Variants in PTPRD observed in about 807,000 individuals in gnomAD.
PTPRD encodes the protein receptor-type tyrosine-protein phosphatase delta.
Under a neutral mutation model 214.5 loss-of-function variants are expected in PTPRD, and 34 were observed. The observed-to-expected ratio is 0.16, with a 90% CI of 0.12 to 0.21. The LOEUF is 0.21. PTPRD is among the 10% of genes least tolerant of loss of function. PTPRD has a pLI of 1.00. For missense variants in PTPRD, 2,545 were observed against 2,398.7 expected, an observed-to-expected ratio of 1.06 and a Z score of -1.27; for synonymous variants, 1,128 against 845.7, an observed-to-expected ratio of 1.33 and a Z score of -5.79.
chr9:9,376,280 G>A (rs2060787325), intron 9 of PTPRD, among the ~76,000 whole-genome samples: 1 of 152,116 alleles, frequency 6.6e-6, no homozygotes, highest in African/African-American at 2.4e-5. Context: ...ATGCCTGGAT[G>A]ACCACTAATG....
chr9:8,981,403 AT>A (rs200914541), intron 11 of PTPRD, among the ~76,000 whole-genome samples: 20 of 151,450 alleles, frequency 1.3e-4, no homozygotes, highest in East Asian at 5.8e-4. Flanking sequence ...CTTTAGTCTG[AT>A]TTTTTTTTAA....
intron 11 of PTPRD, among the ~76,000 whole-genome samples, chr9:8,925,698 T>G (rs984166143): frequency 6.6e-6 from 1 of 150,748 alleles, no homozygotes; most frequent in Non-Finnish European, 1.5e-5. Flanking sequence ...CAACTTTTCC[T>G]TTACGCCACA....
At chr9:9,169,875 T>C (rs2099911202) in intron 10 of PTPRD, among the ~76,000 whole-genome samples, 1 of 152,124 alleles carries the variant, frequency 6.6e-6, no homozygotes, top group African/African-American at 2.4e-5. Context: ...CCTAATGATG[T>C]TTCATTACAA....
intron 5 of PTPRD, among the ~76,000 whole-genome samples, chr9:9,936,991 C>T (rs2089718544): frequency 6.6e-6 from 1 of 151,486 alleles, no homozygotes; most frequent in African/African-American, 2.4e-5. Flanking sequence ...AACCAAACCC[C>T]ACATATTCTC....
chr9:10,358,964 G>T (rs561249983), intron 2 of PTPRD, among the ~76,000 whole-genome samples: 1 of 152,068 alleles, frequency 6.6e-6, no homozygotes, highest in East Asian at 1.9e-4. Context: ...CTTTGCCATA[G>T]AATTCACATC....
At chr9:8,692,777 T>G (rs1394972487) in intron 12 of PTPRD, among the ~76,000 whole-genome samples, 15 of 152,220 alleles carry the variant, frequency 9.9e-5, no homozygotes, top group Admixed American at 8.5e-4. Flanking sequence ...TTTTCCAGAC[T>G]TTTAAGAACC....
At chr9:9,636,097 G>T (rs1489904870) in intron 7 of PTPRD, among the ~76,000 whole-genome samples, 1 of 152,066 alleles carries the variant, frequency 6.6e-6, no homozygotes. Flanking sequence ...TTCTTCATTT[G>T]CTCAATTTTC....
chr9:10,157,646 G>A (rs2099101779), intron 3 of PTPRD, among the ~76,000 whole-genome samples: 1 of 151,934 alleles, frequency 6.6e-6, no homozygotes, highest in Non-Finnish European at 1.5e-5. Flanking sequence ...ATCTTACTGG[G>A]TTTCTCGACA....
At chr9:10,331,385 A>G (rs1268402986) in intron 3 of PTPRD, among the ~76,000 whole-genome samples, 1 of 151,854 alleles carries the variant, frequency 6.6e-6, no homozygotes, top group Non-Finnish European at 1.5e-5. Flanking sequence ...GACTGAAGAG[A>G]AGCCAGCAAT....
chr9:8,942,280 G>A (rs574663515), intron 11 of PTPRD, among the ~76,000 whole-genome samples: 33 of 152,190 alleles, frequency 2.2e-4, no homozygotes, highest in African/African-American at 7.9e-4. Context: ...TGGTGCAATT[G>A]TTAGGTTTAA....
Position 8,745,033 on chromosome 9 carries a change from T to G in PTPRD, c.-103-11087A>C, listed in dbSNP as rs1412473929. Among the ~76,000 whole-genome samples the G allele has an allele frequency of 5.3e-5, 8 of 152,294 alleles. No homozygotes were observed. The East Asian group carries it at 1.5e-3, about 29-fold the overall frequency. ...TACACTCTTCACTTCTCTCACTCTG[T>G]ACATATATTTCATTCAGTTATATTG... On this transcript the variant is annotated intron_variant, in intron 11 of 45. Transcript: ENST00000381196.
chr9:10,331,903 C>T (rs1047646607), intron 3 of PTPRD, among the ~76,000 whole-genome samples: 1 of 151,734 alleles, frequency 6.6e-6, no homozygotes, highest in African/African-American at 2.4e-5. Context: ...ATTAAATCAT[C>T]TAGGAAATAT....
chr9:8,623,598 G>T (rs2095889945), intron 14 of PTPRD, among the ~76,000 whole-genome samples: 1 of 151,872 alleles, frequency 6.6e-6, no homozygotes, highest in African/African-American at 2.4e-5. Context: ...TACTAGTGAT[G>T]ATAATGATAA....
At chr9:8,592,067 C>G (rs567921778) in intron 14 of PTPRD, among the ~76,000 whole-genome samples, 1 of 152,088 alleles carries the variant, frequency 6.6e-6, no homozygotes, top group South Asian at 2.1e-4. Flanking sequence ...CAAAAAGTAT[C>G]AAAATATGGT....
At chr9:9,415,236 G>A (rs751965813) in intron 8 of PTPRD, among the ~76,000 whole-genome samples, 1 of 152,178 alleles carries the variant, frequency 6.6e-6, no homozygotes, top group Non-Finnish European at 1.5e-5. Context: ...AGCACTTTGG[G>A]AGACGAAGGC....
intron 8 of PTPRD, among the ~76,000 whole-genome samples, chr9:9,548,229 A>T (rs1490620920): frequency 6.6e-6 from 1 of 151,906 alleles, no homozygotes; most frequent in Non-Finnish European, 1.5e-5. Context: ...CAATAATAAA[A>T]GTGACTAATA....
At chr9:9,614,502 T>G (rs1389324425) in intron 7 of PTPRD, among the ~76,000 whole-genome samples, 1 of 152,218 alleles carries the variant, frequency 6.6e-6, no homozygotes, top group Non-Finnish European at 1.5e-5. Flanking sequence ...GATCATTATT[T>G]ACATGAGATC....
At chr9:8,358,822 T>C (rs1002962183) in intron 39 of PTPRD, among the ~76,000 whole-genome samples, 2 of 151,666 alleles carry the variant, frequency 1.3e-5, no homozygotes, top group African/African-American at 4.8e-5. Flanking sequence ...GAAAAAAAAA[T>C]GTAATATAAA....
At chr9:8,660,840 C>A (rs1194230284) in intron 12 of PTPRD, among the ~76,000 whole-genome samples, 5 of 152,244 alleles carry the variant, frequency 3.3e-5, no homozygotes, top group Admixed American at 6.5e-5. Context: ...ACTTACAGGA[C>A]CTTCCACAAC....
Sources: gnomAD v4.1 joint callset for allele counts (sites outside exome capture counted in the v4.1 genomes callset) on GRCh38, gnomAD v4.1.1 for gene constraint, MANE v1.5 for transcripts, NCBI Gene and HGNC (gene_info 2026-07-23, HGNC 2026-07-21) for gene names.